Variants in EHMT1 observed in about 807,000 individuals in gnomAD.
The protein encoded by EHMT1 is histone-lysine N-methyltransferase EHMT1.
Under a neutral mutation model 147.2 loss-of-function variants are expected in EHMT1, and 15 were observed. The ratio of observed to expected loss-of-function variants is 0.10; its 90% CI spans 0.07 to 0.16. The LOEUF (loss-of-function observed/expected upper bound fraction) is 0.16. Ranked by LOEUF, EHMT1 falls within the 10% of genes least tolerant of loss-of-function variation. The pLI is 1.00. For missense variants in EHMT1, 1,587 were observed against 1,772.4 expected, an observed-to-expected ratio of 0.90 and a Z score of 1.88; for synonymous variants, 795 against 709.6, an observed-to-expected ratio of 1.12 and a Z score of -1.91.
rs963226448 is a variant in EHMT1, at chr9:137,828,790, G to T, written c.3541-5559G>T. On this transcript the variant is annotated intron_variant, in intron 25 of 26. Coordinates refer to ENST00000460843, the MANE Select transcript of EHMT1 (RefSeq NM_024757.5). This position sits in a 1 kb window ranked among gnomAD's most constrained non-coding sequence, Gnocchi z 5.3. ...AGGAATAGCAAGTCCCCAGCCCTGG[G>T]GCCTCATGTCTGCAATGAGCCCTTG... Among the ~76,000 whole-genome samples, 1 of 152,042 alleles carries T rather than the reference G, an allele frequency of 6.6e-6. No homozygotes were observed. The highest frequency in any genetic ancestry group is 1.5e-5 in the Non-Finnish European group (1 of 68,008).
chr9:137,647,848 C>T (rs553812335), intron 1 of EHMT1, among the ~76,000 whole-genome samples: 4 of 152,220 alleles, frequency 2.6e-5, no homozygotes, highest in South Asian at 2.1e-4. Context: ...CCACCCGCCT[C>T]GGCCTCCCAA....
intron 18 of EHMT1, among the ~76,000 whole-genome samples, chr9:137,807,973 G>A (rs1259181375): frequency 6.6e-6 from 1 of 152,220 alleles, no homozygotes; most frequent in Non-Finnish European, 1.5e-5. Context: ...TGCAAAACTT[G>A]TATGGTGCTA....
chr9:137,780,871 C>T (rs554496286), intron 14 of EHMT1, among the ~76,000 whole-genome samples: 36 of 97,480 alleles, frequency 3.7e-4, no homozygotes, highest in Admixed American at 1.1e-3. Context: ...GTGGTGATGA[C>T]GCCGGGATGT....
chr9:137,704,183 G>A (rs1177598500), intron 1 of EHMT1, among the ~76,000 whole-genome samples: 2 of 152,104 alleles, frequency 1.3e-5, no homozygotes, highest in Non-Finnish European at 2.9e-5. Flanking sequence ...CCCAATATTC[G>A]GGATTACAGT....
At chr9:137,697,161 A>C (rs755876048) in intron 1 of EHMT1, 9 of 363,158 alleles carry the variant, frequency 2.5e-5, no homozygotes, top group South Asian at 1.7e-4. Flanking sequence ...TGCACTTGTA[A>C]TCCCAGCTAC....
intron 1 of EHMT1, among the ~76,000 whole-genome samples, chr9:137,670,586 C>T (rs1940471829): frequency 6.6e-6 from 1 of 152,186 alleles, no homozygotes; most frequent in South Asian, 2.1e-4. Context: ...CTTCTGACTT[C>T]CTCAGTCTCC....
intron 4 of EHMT1, chr9:137,742,969 C>G: frequency 3.4e-6 from 1 of 296,400 alleles, no homozygotes. Context: ...ACATGCTGTT[C>G]ACGTTGGTCT....
Position 137,786,871 on chromosome 9 carries a change from C to T in EHMT1, c.2383-3977C>T. ...CCCAGCCTTTCGCCGGTGCTGGGGA[C>T]ATCAGCGTTCTGGCTCCCAGGCTGG... On this transcript the variant is annotated intron_variant, in intron 15 of 26. Coordinates refer to ENST00000460843, the MANE Select transcript of EHMT1 (RefSeq NM_024757.5). The surrounding 1 kb of genome is among the most constrained non-coding windows in gnomAD (Gnocchi z 4.3). The T allele has an allele frequency of 6.6e-6, 1 of 152,532 alleles. No homozygotes were observed. The highest frequency in any genetic ancestry group is 1.5e-5 in the Non-Finnish European group (1 of 68,156). The allele number at this position is 152,532 out of a possible 1,614,324, so 9.4% of individuals were successfully genotyped here.
rs373234274 is a variant in EHMT1 at position 137,768,711 on chromosome 9, G to A, written c.1647+5891G>A. Among the ~76,000 whole-genome samples, 58 of 150,730 alleles carry A rather than the reference G, an allele frequency of 3.8e-4. No homozygotes were observed. In the East Asian group the frequency reaches 9.3e-3, roughly 24 times the overall value. On this transcript the variant is annotated intron_variant, in intron 10 of 26. Coordinates refer to ENST00000460843, the MANE Select transcript of EHMT1 (RefSeq NM_024757.5). ...ACTACAGGCGCCCGCCACTACGCCC[G>A]GCTAATTTTTTGTATTTTTAGTAGA...
intron 13 of EHMT1, 132 bp from the exon 14 acceptor site, chr9:137,779,503 C>G: frequency 2.1e-6 from 2 of 934,516 alleles, no homozygotes; most frequent in South Asian, 2.9e-5. Flanking sequence ...CAGCCTTCAG[C>G]TTCATGTGTG....
chr9:137,783,063 G>C (rs189895756), intron 15 of EHMT1, among the ~76,000 whole-genome samples: 1 of 152,262 alleles, frequency 6.6e-6, no homozygotes, highest in African/African-American at 2.4e-5. Flanking sequence ...GGAGACTTTA[G>C]GAACTTTCCT....
chr9:137,791,394 A>G (rs1293606017), intron 16 of EHMT1, among the ~76,000 whole-genome samples: 1 of 152,232 alleles, frequency 6.6e-6, no homozygotes, highest in African/African-American at 2.4e-5. Context: ...TTGTAAGCTA[A>G]CAAAACCAAT....
At chr9:137,702,998 C>G (rs1943964278) in intron 1 of EHMT1, among the ~76,000 whole-genome samples, 1 of 152,230 alleles carries the variant, frequency 6.6e-6, no homozygotes, top group Admixed American at 6.5e-5. Flanking sequence ...TAACTCTTGC[C>G]CTGTGTGCAC....
chr9:137,776,587 CAAA>C lies in EHMT1; in HGVS notation c.1792-28_1792-26del. 1 of 1,612,336 alleles carries C rather than the reference CAAA, an allele frequency of 6.2e-7. No homozygotes were observed. Among genetic ancestry groups the C allele is most frequent in the Non-Finnish European group, 8.5e-7 (1 of 1,178,752 alleles). The stretch of plus-strand genomic sequence containing the variant: ...TTCTAAATATTAACCCCAATTAAAA[CAAA>C]AATTTTTTTTTGTCCTCCCATTTTT... On this transcript the variant is annotated intron_variant, in intron 11 of 26. Coordinates refer to ENST00000460843, the MANE Select transcript of EHMT1 (RefSeq NM_024757.5). This position sits in a 1 kb window ranked among gnomAD's most constrained non-coding sequence, Gnocchi z 4.4.
intron 1 of EHMT1, among the ~76,000 whole-genome samples, chr9:137,650,387 ACAGGTGTACCTTGCC>A (rs1937664225): frequency 6.6e-6 from 1 of 152,070 alleles, no homozygotes; most frequent in Non-Finnish European, 1.5e-5. Context: ...ATGTGTAATT[ACAGGTGTACCTTGCC>A]CAGCTGTTGT....
In EHMT1 at chr9:137,808,417, C is replaced by G. The variant is rs188864755; in HGVS notation, c.2713-3044C>G. Among the ~76,000 whole-genome samples, 14 of 152,296 alleles carry G rather than the reference C, an allele frequency of 9.2e-5. No homozygotes were observed. The East Asian group carries it at 1.9e-3, about 21-fold the overall frequency. On this transcript the variant is annotated intron_variant, in intron 18 of 26. Coordinates refer to ENST00000460843, the MANE Select transcript of EHMT1 (RefSeq NM_024757.5). ...CTCTCAGGGGCACGGTCCTTCCCTG[C>G]CTGGTGTCTGGTGTCTTGACAACCA...
At chr9:137,625,477 A>G (rs1474105883) in intron 1 of EHMT1, among the ~76,000 whole-genome samples, 1 of 152,040 alleles carries the variant, frequency 6.6e-6, no homozygotes, top group African/African-American at 2.4e-5. Context: ...AGCTGGGACT[A>G]CAGGCACGTG....
chr9:137,752,230 C>A, intron 6 of EHMT1, 101 bp from the exon 7 acceptor site: 1 of 1,385,384 alleles, frequency 7.2e-7, no homozygotes, highest in Non-Finnish European at 1.0e-6. Context: ...GCGGCCAGTG[C>A]CCGTTTCGAG....
intron 25 of EHMT1, among the ~76,000 whole-genome samples, chr9:137,824,230 C>T (rs1955656105): frequency 6.6e-6 from 1 of 152,254 alleles, no homozygotes; most frequent in East Asian, 1.9e-4. Context: ...TCCAGCCTGG[C>T]CTGTCTCTCA....
Sources: gnomAD v4.1 joint callset for allele counts (sites outside exome capture counted in the v4.1 genomes callset) on GRCh38, gnomAD v4.1.1 for gene constraint, Gnocchi (gnomAD v3.1) non-coding constraint, MANE v1.5 for transcripts, NCBI Gene and HGNC (gene_info 2026-07-23, HGNC 2026-07-21) for gene names.